The following M1AP variants were observed in gnomAD, a reference collection of about 807,000 sequenced individuals.
The protein encoded by M1AP is meiosis 1 arrest protein.
A neutral mutation model predicts 51.2 loss-of-function variants in M1AP; 39 were observed. The observed-to-expected ratio is 0.76, with a 90% CI of 0.59 to 1.00. The LOEUF is 1.00. Ranked by LOEUF, M1AP falls within the 50% of genes least tolerant of loss-of-function variation. The pLI, the probability that M1AP is intolerant of heterozygous loss-of-function variation, is 0.00. For synonymous variants in M1AP, 251 were observed against 249.2 expected (o/e 1.01, Z -0.07); for missense variants, 545 against 641.2 (o/e 0.85, Z 1.62).
At chr2:74,597,965 C>G (rs1405531105) in intron 4 of M1AP, among the ~76,000 whole-genome samples, 1 of 152,212 alleles carries the variant, frequency 6.6e-6, no homozygotes, top group East Asian at 1.9e-4. Flanking sequence ...ACTCACAAAT[C>G]CTTTATTTAA....
chr2:74,575,483 C>T lies in M1AP; in HGVS notation c.1029G>A (p.Leu343=), dbSNP rs753559168. The change falls in exon 7 of 11, where the codon CTG becomes CTA. Residue 343 remains leucine (L), a synonymous_variant. Coordinates refer to ENST00000421985, the MANE Select transcript of M1AP (RefSeq NM_001321739.2). ...CATGGAAATGTTGCTGATTTGTCTC[C>T]AGCTCATCCCAGTCCAGCTGCCAAC... ...TSCWQLDWDE[L]ETNQQHFHAL... 1.9e-6 allele frequency: 3 copies of T among 1,614,144 alleles called. No homozygotes were observed. Among genetic ancestry groups the T allele is most frequent in the Middle Eastern group, 1.7e-4 (1 of 6,024 alleles).
intron 2 of M1AP, among the ~76,000 whole-genome samples, chr2:74,629,386 T>C (rs1253738766): frequency 6.6e-6 from 1 of 152,184 alleles, no homozygotes; most frequent in South Asian, 2.1e-4. Flanking sequence ...AGGCCATAAG[T>C]GGAAAACCGC....
At chr2:74,605,492 T>G (rs1356862066) in intron 4 of M1AP, among the ~76,000 whole-genome samples, 1 of 152,248 alleles carries the variant, frequency 6.6e-6, no homozygotes, top group Non-Finnish European at 1.5e-5. Context: ...ATGCATGAGA[T>G]CTAACCTTTT....
intron 2 of M1AP, among the ~76,000 whole-genome samples, chr2:74,627,915 C>T (rs1682492302): frequency 6.6e-6 from 1 of 152,114 alleles, no homozygotes; most frequent in Non-Finnish European, 1.5e-5. Flanking sequence ...AAATACTCTA[C>T]AGAAATAATA....
chr2:74,613,761 G>A (rs1681502073), intron 3 of M1AP, among the ~76,000 whole-genome samples: 1 of 152,182 alleles, frequency 6.6e-6, no homozygotes, highest in African/African-American at 2.4e-5. Flanking sequence ...CCTTCTCCCT[G>A]TCAGAGGCAT....
intron 1 of M1AP, chr2:74,648,006 C>T (rs1353808393): frequency 5.3e-5 from 52 of 985,396 alleles, no homozygotes; most frequent in Non-Finnish European, 5.7e-5. Flanking sequence ...GGCCCTCGGG[C>T]CTGGGGGCCC....
chr2:74,573,726 G>A (rs753590733), intron 7 of M1AP, among the ~76,000 whole-genome samples: 6 of 151,968 alleles, frequency 3.9e-5, no homozygotes, highest in Non-Finnish European at 7.4e-5. Context: ...AAATAACACC[G>A]AGATGAACAT....
chr2:74,599,707 T>C (rs1361297059), intron 4 of M1AP, among the ~76,000 whole-genome samples: 1 of 152,122 alleles, frequency 6.6e-6, no homozygotes, highest in Non-Finnish European at 1.5e-5. Context: ...CTAATATGTA[T>C]CTTTACTTCT....
At chr2:74,575,672 C>A (rs182113067) in intron 6 of M1AP, 93 bp from the exon 7 acceptor site, 4 of 959,532 alleles carry the variant, frequency 4.2e-6, no homozygotes, top group Admixed American at 4.5e-5. Context: ...TAAGACAGTA[C>A]TGTGAAAGCT....
chr2:74,604,308 T>C (rs1333275002), intron 4 of M1AP, among the ~76,000 whole-genome samples: 1 of 152,208 alleles, frequency 6.6e-6, no homozygotes, highest in Non-Finnish European at 1.5e-5. Context: ...TCTGCTTAGC[T>C]AATTCCTACT....
rs200380263 is a variant in M1AP, at chr2:74,581,825, G to A, written c.618C>T (p.Asp206=). The A allele has an allele frequency of 2.5e-6, 4 of 1,613,596 alleles. No homozygotes were observed. Among genetic ancestry groups the A allele is most frequent in the African/African-American group, 1.3e-5 (1 of 74,906 alleles). ...CATTGTCTATAGTCTGAAGGTCAAT[G>A]TCAGTTCCCAGAATAGAACTCTCTG... is the stretch of plus-strand genomic sequence containing the variant. ...SNDESSILGT[D]IDLQTIDNDI... is the part of the protein sequence containing the mutation. The change falls in exon 5 of 11, where the codon GAC becomes GAT. Residue 206 remains aspartate (D), a synonymous_variant. Transcript: ENST00000421985.
At chr2:74,591,170 A>G (rs182937369) in intron 4 of M1AP, among the ~76,000 whole-genome samples, 7 of 152,362 alleles carry the variant, frequency 4.6e-5, no homozygotes, top group Admixed American at 2.0e-4. Context: ...AGTAGATATG[A>G]ACATTTTATT....
intron 7 of M1AP, among the ~76,000 whole-genome samples, chr2:74,565,235 AG>A (rs1200395810): frequency 1.3e-5 from 2 of 152,136 alleles, no homozygotes; most frequent in African/African-American, 4.8e-5. Flanking sequence ...AAAAAAAAAA[AG>A]AATTTATTGA....
intron 4 of M1AP, among the ~76,000 whole-genome samples, chr2:74,596,470 T>A (rs1418319118): frequency 6.6e-6 from 1 of 152,088 alleles, no homozygotes; most frequent in East Asian, 1.9e-4. Context: ...TAGTCCCAGC[T>A]ACTCAGGAGG....
chr2:74,585,856 A>G (rs919546528), intron 4 of M1AP, among the ~76,000 whole-genome samples: 3 of 152,196 alleles, frequency 2.0e-5, no homozygotes, highest in Non-Finnish European at 4.4e-5. Context: ...TAACTGTCCT[A>G]GCAAACTCCA....
At chr2:74,633,499 CT>C (rs1300966583) in intron 2 of M1AP, among the ~76,000 whole-genome samples, 1 of 152,122 alleles carries the variant, frequency 6.6e-6, no homozygotes, top group Non-Finnish European at 1.5e-5. Flanking sequence ...CCCCTTACCC[CT>C]GATGTTTCCT....
chr2:74,644,957 A>G (rs1045530399), intron 1 of M1AP, among the ~76,000 whole-genome samples: 39 of 152,260 alleles, frequency 2.6e-4, no homozygotes, highest in African/African-American at 9.1e-4. Context: ...CGCCATTTTA[A>G]AGTAGAGGCA....
At chr2:74,590,571 T>G (rs1429196950) in intron 4 of M1AP, among the ~76,000 whole-genome samples, 5 of 152,300 alleles carry the variant, frequency 3.3e-5, no homozygotes, top group Middle Eastern at 3.4e-3. Flanking sequence ...AGAAAAAGTT[T>G]AGAGAGCAAT....
chr2:74,584,990 G>A (rs1429790316), intron 4 of M1AP, among the ~76,000 whole-genome samples: 1 of 151,702 alleles, frequency 6.6e-6, no homozygotes, highest in African/African-American at 2.4e-5. Flanking sequence ...GTACAGGTGT[G>A]AGCCACCACA....
Sources: allele counts gnomAD v4.1 joint callset (sites outside exome capture counted in the v4.1 genomes callset), GRCh38; gene constraint gnomAD v4.1.1; transcripts MANE v1.5; gene names NCBI Gene and HGNC (gene_info 2026-07-23, HGNC 2026-07-21).